CALD1: variants seen among roughly 807,000 people sequenced by gnomAD.
CALD1 encodes the protein caldesmon.
A neutral mutation model predicts 99.9 loss-of-function variants in CALD1; 33 were observed. The ratio of observed to expected loss-of-function variants is 0.33; its 90% CI spans 0.25 to 0.44. The LOEUF is 0.44. CALD1 is among the 20% of genes least tolerant of loss of function. CALD1 has a pLI of 1.00. For synonymous variants in CALD1, 310 were observed against 325.0 expected, an observed-to-expected ratio of 0.95 and a Z score of 0.50; for missense variants, 861 against 962.1, an observed-to-expected ratio of 0.89 and a Z score of 1.39.
the CALD1 span, among the ~76,000 whole-genome samples, chr7:134,711,922 G>C: frequency 3.3e-5 from 5 of 150,886 alleles, no homozygotes; most frequent in Non-Finnish European, 7.4e-5. Context: ...TTCAGAGCAG[G>C]AACCAGCTCC....
At chr7:134,814,529 A>G (rs1011447091) in intron 1 of CALD1, among the ~76,000 whole-genome samples, 17 of 152,126 alleles carry the variant, frequency 1.1e-4, no homozygotes, top group African/African-American at 3.9e-4. Context: ...GAACACACAG[A>G]ATTCTGGGGC....
intron 3 of CALD1, among the ~76,000 whole-genome samples, chr7:134,923,638 G>A (rs769701642): frequency 2.6e-5 from 4 of 152,314 alleles, no homozygotes; most frequent in South Asian, 2.1e-4. Context: ...TAAATCTGGC[G>A]TGTGGAAAAT....
chr7:134,961,872 T>C (rs1009333980), intron 13 of CALD1: 2 of 152,134 alleles, frequency 1.3e-5, no homozygotes, highest in Non-Finnish European at 2.9e-5. Context: ...GGAGTAGAAA[T>C]TATTTTCAAA....
chr7:134,880,158 T>C (rs933440671), intron 3 of CALD1, among the ~76,000 whole-genome samples: 3 of 152,212 alleles, frequency 2.0e-5, no homozygotes, highest in Non-Finnish European at 2.9e-5. Context: ...GCTTTTTATT[T>C]TTCTAAGGGT....
chr7:134,764,029 C>G (rs894205126), intron 1 of CALD1, among the ~76,000 whole-genome samples: 4 of 152,016 alleles, frequency 2.6e-5, no homozygotes, highest in Non-Finnish European at 5.9e-5. Context: ...ATGGCTACTA[C>G]TTCTCTGCCT....
chr7:134,875,374 G>A (rs753544029), intron 3 of CALD1, among the ~76,000 whole-genome samples: 4 of 152,160 alleles, frequency 2.6e-5, no homozygotes, highest in Admixed American at 6.5e-5. Flanking sequence ...GGTGGCTCAC[G>A]CCTGTAATCC....
chr7:134,874,137 G>A (rs1040103470), intron 3 of CALD1, among the ~76,000 whole-genome samples: 4 of 151,938 alleles, frequency 2.6e-5, no homozygotes, highest in East Asian at 3.9e-4. Context: ...AAATTTGGCC[G>A]AAAGAATGTT....
At chr7:134,723,131 G>A in the CALD1 span, among the ~76,000 whole-genome samples, 2 of 152,182 alleles carry the variant, frequency 1.3e-5, no homozygotes, top group African/African-American at 4.8e-5. Flanking sequence ...TCAGCTGACC[G>A]ACCTTGGATA....
At chr7:134,736,924 A>T in the CALD1 span, among the ~76,000 whole-genome samples, 1 of 151,620 alleles carries the variant, frequency 6.6e-6, no homozygotes, top group Non-Finnish European at 1.5e-5. Flanking sequence ...TCAACCCTTT[A>T]TTTTTCTGTG....
rs1808904829 is a variant in CALD1 at position 134,969,510 on chromosome 7, AAC to A, written c.*1167_*1168del. 6.6e-6 allele frequency: 1 copy of A among 152,224 alleles called. No homozygotes were observed. Among genetic ancestry groups the A allele is most frequent in the South Asian group, 2.1e-4 (1 of 4,832 alleles). The allele number at this position is 152,224 out of a possible 1,614,324, so 9.4% of individuals were successfully genotyped here. ...GACAGAAATTCCATGTATGAGTCTC[AAC>A]AAAGACTACCTTTGGCTAAATGTCT... On this transcript the variant is annotated 3_prime_UTR_variant, in exon 15 of 15. Coordinates refer to ENST00000361675, the MANE Select transcript of CALD1 (RefSeq NM_033138.4).
At chr7:134,814,421 T>C (rs1220278552) in intron 1 of CALD1, among the ~76,000 whole-genome samples, 2 of 151,844 alleles carry the variant, frequency 1.3e-5, no homozygotes. Context: ...GTCCTGGGGG[T>C]CTTGCAGAAT....
intron 3 of CALD1, chr7:134,891,816 G>A: frequency 1.5e-6 from 1 of 685,696 alleles, no homozygotes; most frequent in Non-Finnish European, 2.4e-6. Flanking sequence ...GGAAAGGAAT[G>A]CAGTGAGTGT....
At chr7:134,799,856 A>G (rs1373319319) in intron 1 of CALD1, among the ~76,000 whole-genome samples, 2 of 152,324 alleles carry the variant, frequency 1.3e-5, no homozygotes, top group South Asian at 2.1e-4. Context: ...AATTGTGTTC[A>G]TATGTTTTTC....
At chr7:134,804,346 G>A (rs1216910948) in intron 1 of CALD1, among the ~76,000 whole-genome samples, 1 of 152,106 alleles carries the variant, frequency 6.6e-6, no homozygotes, top group Non-Finnish European at 1.5e-5. Context: ...ATTAATGCCT[G>A]CCCCAGGGTA....
intron 1 of CALD1, among the ~76,000 whole-genome samples, chr7:134,819,891 C>T (rs1170603069): frequency 6.7e-6 from 1 of 150,136 alleles, no homozygotes; most frequent in Non-Finnish European, 1.5e-5. Context: ...ACAAAACAAA[C>T]AAACAAACAA....
intron 2 of CALD1, among the ~76,000 whole-genome samples, chr7:134,860,295 T>C (rs768098830): frequency 6.6e-5 from 10 of 152,212 alleles, no homozygotes; most frequent in South Asian, 2.1e-4. Context: ...AAATGAACCA[T>C]TGAGCTCAGA....
rs1325532574 is a variant in CALD1, at chr7:134,924,823, T to C, written c.72-3931T>C. Among the ~76,000 whole-genome samples, 4 of 152,254 alleles carry C rather than the reference T, an allele frequency of 2.6e-5. No individual in the cohort carries two copies. In the East Asian group the frequency reaches 5.8e-4, roughly 22 times the overall value. On this transcript the variant is annotated intron_variant, in intron 3 of 14. Transcript: ENST00000361675. ...AGACCAGGTGGAGGTAACTGAATCA[T>C]GGGTGCAGTTTCCCCCGTGCTATTC...
At chr7:134,711,714 GTGTGTGTGTGTGTCTC>G in the CALD1 span, among the ~76,000 whole-genome samples, 44 of 130,554 alleles carry the variant, frequency 3.4e-4, no homozygotes, top group African/African-American at 1.3e-3. Flanking sequence ...GTGTGTGTGT[GTGTGTGTGTGTGTCTC>G]TCTCTCTGTC....
chr7:134,887,693 TATGTGC>T (rs111237266), intron 3 of CALD1, among the ~76,000 whole-genome samples: 16 of 151,814 alleles, frequency 1.1e-4, no homozygotes, highest in South Asian at 4.2e-4. Flanking sequence ...TGTGTATGTG[TATGTGC>T]ATGTGTGCAT....
Sources: gnomAD v4.1 joint callset for allele counts (sites outside exome capture counted in the v4.1 genomes callset) on GRCh38, gnomAD v4.1.1 for gene constraint, MANE v1.5 for transcripts, NCBI Gene and HGNC (gene_info 2026-07-23, HGNC 2026-07-21) for gene names.